NEBL: variants seen among roughly 807,000 people sequenced by gnomAD.
NEBL encodes LIM and SH3 protein 2.
In NEBL, 122 loss-of-function variants were observed where a neutral mutation model predicts 140.2. The observed-to-expected ratio is 0.87, with a 90% CI of 0.75 to 1.01. The LOEUF is 1.01. NEBL is among the 50% of genes least tolerant of loss of function. The pLI is 0.00. For synonymous variants in NEBL, 436 were observed against 398.9 expected, an observed-to-expected ratio of 1.09 and a Z score of -1.11; for missense variants, 1,365 against 1,231.3, an observed-to-expected ratio of 1.11 and a Z score of -1.62.
chr10:20,856,366 C>T (rs1360419508), intron 9 of NEBL, among the ~76,000 whole-genome samples: 1 of 152,134 alleles, frequency 6.6e-6, no homozygotes, highest in African/African-American at 2.4e-5. Flanking sequence ...ACGCTTTCTT[C>T]CAGCCACCAA....
intron 20 of NEBL, among the ~76,000 whole-genome samples, chr10:20,818,224 G>A (rs1311552616): frequency 6.7e-6 from 1 of 149,296 alleles, no homozygotes; most frequent in African/African-American, 2.5e-5. Flanking sequence ...TACTTGTTTT[G>A]GAAAAAGAAG....
At chr10:20,959,152 G>A (rs1224591710) in intron 4 of NEBL, among the ~76,000 whole-genome samples, 5 of 152,040 alleles carry the variant, frequency 3.3e-5, no homozygotes, top group Non-Finnish European at 7.4e-5. Flanking sequence ...AAACAAATAG[G>A]AGAAAATGAA....
chr10:21,024,653 G>A (rs779663096), intron 2 of NEBL, among the ~76,000 whole-genome samples: 5 of 151,938 alleles, frequency 3.3e-5, no homozygotes, highest in Non-Finnish European at 7.3e-5. Flanking sequence ...TACAATATCT[G>A]TAGGAACCTA....
chr10:21,271,700 A>G (rs1842862493), intron 1 of NEBL, among the ~76,000 whole-genome samples: 1 of 147,432 alleles, frequency 6.8e-6, no homozygotes, highest in Non-Finnish European at 1.5e-5. Context: ...TGATTTTTGT[A>G]TTTTTAGTAG....
At chr10:20,867,044 C>T (rs1398654618) in intron 7 of NEBL, among the ~76,000 whole-genome samples, 1 of 152,048 alleles carries the variant, frequency 6.6e-6, no homozygotes, top group Non-Finnish European at 1.5e-5. Context: ...ATGTTCTCAT[C>T]AAATGCATTA....
At chr10:21,016,674 C>A (rs1589138979) in intron 3 of NEBL, among the ~76,000 whole-genome samples, 1 of 152,134 alleles carries the variant, frequency 6.6e-6, no homozygotes, top group Admixed American at 6.5e-5. Flanking sequence ...CTTAGCATCA[C>A]AAATGATCAA....
At chr10:21,149,268 G>A (rs751007700) in intron 2 of NEBL, among the ~76,000 whole-genome samples, 4 of 152,044 alleles carry the variant, frequency 2.6e-5, no homozygotes, top group African/African-American at 4.8e-5. Context: ...GCACCTCGTC[G>A]TCGGTATCCT....
chr10:20,908,088 G>A (rs1288946916), intron 4 of NEBL, among the ~76,000 whole-genome samples: 3 of 152,134 alleles, frequency 2.0e-5, no homozygotes, highest in Non-Finnish European at 4.4e-5. Flanking sequence ...ACCAAAGGAT[G>A]ATCACTGCAT....
rs553310276 is a variant in NEBL, at chr10:21,153,263, A to T, written c.164+19120T>A. On this transcript the variant is annotated intron_variant, in intron 2 of 6. Transcript: ENST00000417816. ...CATGTGGATCTAGAGGTCAAAAAGA[A>T]ATAAGTCTGGCTCTTAATGCCCACA... Among the ~76,000 whole-genome samples the T allele has an allele frequency of 2.0e-5, 3 of 152,296 alleles. No individual in the cohort carries two copies. In the South Asian group the frequency reaches 6.2e-4, roughly 32 times the overall value.
At chr10:20,817,807 A>G in intron 20 of NEBL, 115 bp from the exon 21 acceptor site, 1 of 858,036 alleles carries the variant, frequency 1.2e-6, no homozygotes, top group Non-Finnish European at 2.0e-6. Flanking sequence ...TCCACAGTTG[A>G]TTACATCAAC....
intron 2 of NEBL, among the ~76,000 whole-genome samples, chr10:21,105,791 A>G (rs1837689639): frequency 6.6e-6 from 1 of 152,188 alleles, no homozygotes; most frequent in Non-Finnish European, 1.5e-5. Flanking sequence ...GAACTAATTT[A>G]TACTCCCACC....
intron 3 of NEBL, among the ~76,000 whole-genome samples, chr10:21,238,716 T>TAAA (rs35732687): frequency 4.2e-5 from 4 of 94,502 alleles, no homozygotes; most frequent in Non-Finnish European, 6.2e-5. Flanking sequence ...TCAAAAAAAT[T>TAAA]AAAAAAAAAA....
At chr10:20,864,744 T>A (rs939128145) in intron 7 of NEBL, among the ~76,000 whole-genome samples, 4 of 152,190 alleles carry the variant, frequency 2.6e-5, no homozygotes, top group African/African-American at 9.6e-5. Flanking sequence ...AAAACTTTAA[T>A]GCTGTCAGTG....
At chr10:21,238,716 TAA>T (rs35732687) in intron 3 of NEBL, among the ~76,000 whole-genome samples, 3,250 of 94,474 alleles carry the variant, frequency 0.034, 45 homozygotes, top group East Asian at 0.074. Flanking sequence ...TCAAAAAAAT[TAA>T]AAAAAAAAAA....
intron 3 of NEBL, among the ~76,000 whole-genome samples, chr10:21,009,682 C>A (rs1306475409): frequency 6.6e-6 from 1 of 152,128 alleles, no homozygotes; most frequent in Non-Finnish European, 1.5e-5. Flanking sequence ...CAAACGGAAG[C>A]TTTTTCAAAG....
chr10:20,798,401 C>T lies in NEBL; in HGVS notation c.2761+10109G>A, dbSNP rs1450081500. Among the ~76,000 whole-genome samples the T allele has an allele frequency of 2.6e-5, 4 of 152,134 alleles. No homozygotes were observed. The East Asian group carries it at 7.7e-4, about 29-fold the overall frequency. On this transcript the variant is annotated intron_variant, in intron 26 of 27. Transcript: ENST00000377122. The stretch of plus-strand genomic sequence containing the variant: ...GCTGAAATGGAAAGTGGGAGAAAAG[C>T]AGGGAAATTTGTGACTGTGGAGATC...
intron 4 of NEBL, among the ~76,000 whole-genome samples, chr10:20,925,739 T>C (rs1486498520): frequency 3.3e-5 from 5 of 150,914 alleles, no homozygotes; most frequent in African/African-American, 1.2e-4. Context: ...GAACAGAAGC[T>C]ATCAAGAGTA....
At chr10:21,186,462 C>T (rs78634298) in intron 3 of NEBL, among the ~76,000 whole-genome samples, 2,091 of 152,160 alleles carry the variant, frequency 0.014, 49 homozygotes, top group African/African-American at 0.047. Flanking sequence ...TCCCTGCAGA[C>T]ACCAAAATCT....
chr10:21,110,799 G>T (rs1303318648), intron 2 of NEBL: 2 of 582,458 alleles, frequency 3.4e-6, no homozygotes, highest in African/African-American at 1.8e-5. Flanking sequence ...GAACAGTCAG[G>T]TTAGGGACTC....
Sources: gnomAD v4.1 joint callset for allele counts (sites outside exome capture counted in the v4.1 genomes callset) on GRCh38, gnomAD v4.1.1 for gene constraint, MANE v1.5 for transcripts, NCBI Gene and HGNC (gene_info 2026-07-23, HGNC 2026-07-21) for gene names.